CARD14: variants seen among roughly 807,000 people sequenced by gnomAD.
The protein encoded by CARD14 is caspase recruitment domain family member 14.
A neutral mutation model predicts 111.5 loss-of-function variants in CARD14; 107 were observed. That is an observed-to-expected ratio of 0.96 (90% CI 0.82 to 1.13). The LOEUF is 1.13. Among genes scored for constraint, CARD14 ranks in the 50% most tolerant of loss-of-function variants. The pLI is 0.00. For missense variants in CARD14, 1,322 were observed against 1,362.3 expected (o/e 0.97, Z 0.47); for synonymous variants, 617 against 579.6 (o/e 1.06, Z -0.93).
intron 4 of CARD14, among the ~76,000 whole-genome samples, chr17:80,180,893 G>C (rs2040150633): frequency 6.6e-6 from 1 of 152,126 alleles, no homozygotes; most frequent in African/African-American, 2.4e-5. Flanking sequence ...CTCCTAAGTA[G>C]CTGGGATTGC....
chr17:80,188,590 G>C lies in CARD14; in HGVS notation c.843+46G>C. 1 of 1,411,512 alleles carries C rather than the reference G, an allele frequency of 7.1e-7. No homozygotes were observed. The highest frequency in any genetic ancestry group is 9.3e-7 in the Non-Finnish European group (1 of 1,077,580). The allele number at this position is 1,411,512 out of a possible 1,614,324, so 87.4% of individuals were successfully genotyped here. ...CAGAGAGCGGCCTCCTGCCTTGGGG[G>C]CTTGGCCCTCAGGCTGTGGGGTTTC... On this transcript the variant is annotated intron_variant, in intron 8 of 23. Transcript: ENST00000648509. The surrounding 1 kb of genome is among the most constrained non-coding windows in gnomAD (Gnocchi z 4.5).
Position 80,191,610 on chromosome 17 carries a change from G to A in CARD14, c.1239+138G>A. On this transcript the variant is annotated intron_variant, in intron 11 of 23. Coordinates refer to ENST00000648509, the MANE Select transcript of CARD14 (RefSeq NM_001366385.1). ...CCAGGCTGGGCCACACGCGGCACCT[G>A]CAGAGACGGCCCAGTGTCACTGTGA... The A allele has an allele frequency of 2.9e-6, 3 of 1,029,704 alleles. No homozygotes were observed. In the Admixed American group the frequency reaches 7.4e-5, roughly 25 times the overall value. The allele number at this position is 1,029,704 out of a possible 1,614,324, so 63.8% of individuals were successfully genotyped here.
rs1339002762 is a variant in CARD14, at chr17:80,202,170, C to T, written c.1979-10C>T. 1.2e-6 allele frequency: 2 copies of T among 1,606,522 alleles called. No individual in the cohort carries two copies. The highest frequency in any genetic ancestry group is 1.7e-6 in the Non-Finnish European group (2 of 1,173,876). ...GTGGCTCATCTGTGGCTCATGTCCC[C>T]TTTTATCAGGTTATAAGAGGCTACT... On this transcript the variant is annotated splice_polypyrimidine_tract_variant and intron_variant, in intron 17 of 23. Coordinates refer to ENST00000648509, the MANE Select transcript of CARD14 (RefSeq NM_001366385.1).
At chr17:80,205,250 C>CCCTCCCTCCTCCCCTT (rs2041228497) in intron 21 of CARD14, 45 bp downstream of exon 21, 1 of 1,468,840 alleles carries the variant, frequency 6.8e-7, no homozygotes, top group Non-Finnish European at 9.4e-7. Flanking sequence ...CACCTTCCCT[C>CCCTCCCTCCTCCCCTT]CCTCCCTCCT....
chr17:80,170,755 T>A (rs2039875199), intron 1 of CARD14, among the ~76,000 whole-genome samples: 1 of 134,902 alleles, frequency 7.4e-6, no homozygotes, highest in African/African-American at 2.7e-5. Flanking sequence ...GAATTAGAGA[T>A]CTCTGGGCCC....
At chr17:80,171,009 T>A (rs189367491) in intron 1 of CARD14, among the ~76,000 whole-genome samples, 348 of 151,048 alleles carry the variant, frequency 2.3e-3, no homozygotes, top group Non-Finnish European at 3.9e-3. Flanking sequence ...CCTGGTTAAT[T>A]TTTTTATTTT....
In CARD14 at chr17:80,191,309, G is replaced by A. The variant is rs368798956; in HGVS notation, c.1090-14G>A. ...GTGATGGCGCGGCCTCCTTACTCCC[G>A]TCGTGGCCCACAGGCGTACTCCGCG... On this transcript the variant is annotated splice_polypyrimidine_tract_variant and intron_variant, in intron 10 of 23. Coordinates refer to ENST00000648509, the MANE Select transcript of CARD14 (RefSeq NM_001366385.1). The A allele has an allele frequency of 1.9e-5, 30 of 1,603,260 alleles. No homozygotes were observed. The highest frequency in any genetic ancestry group is 1.7e-4 in the Middle Eastern group (1 of 6,054).
At chr17:80,177,178 G>A (rs2040045288) in intron 2 of CARD14, among the ~76,000 whole-genome samples, 1 of 152,118 alleles carries the variant, frequency 6.6e-6, no homozygotes, top group Non-Finnish European at 1.5e-5. Context: ...TGCCAACATG[G>A]GGTGATCATG....
intron 2 of CARD14, among the ~76,000 whole-genome samples, chr17:80,177,787 T>C (rs1196718283): frequency 2.0e-5 from 3 of 152,106 alleles, no homozygotes; most frequent in Admixed American, 6.6e-5. Context: ...TCAAGCAATC[T>C]GCCCGCCTTG....
At chr17:80,199,020 C>G in intron 16 of CARD14, 1 of 679,294 alleles carries the variant, frequency 1.5e-6, no homozygotes, top group Non-Finnish European at 1.8e-6. Context: ...GCGATCACAG[C>G]TCACTGCAGC....
In CARD14 at chr17:80,181,419, G is replaced by C. The variant is rs577015337; in HGVS notation, c.-20G>C. ...CCACCCCCATGGCCACCCCTCCTAG[G>C]GTCCTCCCAGCGCCCAGCCATGGGG... On this transcript the variant is annotated splice_region_variant and 5_prime_UTR_variant, in exon 5 of 24. Coordinates refer to ENST00000648509, the MANE Select transcript of CARD14 (RefSeq NM_001366385.1). The C allele has an allele frequency of 4.6e-5, 71 of 1,554,048 alleles. No homozygotes were observed. Among genetic ancestry groups the C allele is most frequent in the Admixed American group, 7.8e-5 (4 of 51,326 alleles).
rs2040185335 is a variant in CARD14, at chr17:80,181,782, C to T, written c.211+133C>T. On this transcript the variant is annotated intron_variant, in intron 5 of 23. Transcript: ENST00000648509. ...AAACACTTGCTGTTGCCTTTAGGGC[C>T]CACCTGGATAACCAGGATGATCTGA... is the stretch of plus-strand genomic sequence containing the variant. 7 of 767,314 alleles carry T rather than the reference C, an allele frequency of 9.1e-6. No homozygotes were observed. In the South Asian group the frequency reaches 1.3e-4, roughly 14 times the overall value. The allele number at this position is 767,314 out of a possible 1,614,324, so 47.5% of individuals were successfully genotyped here. A position where few individuals can be genotyped will look rare whatever the true frequency, so the allele number is the denominator to read the frequency against.
chr17:80,193,478 C>G (rs1324101640), intron 12 of CARD14, among the ~76,000 whole-genome samples: 1 of 152,246 alleles, frequency 6.6e-6, no homozygotes, highest in African/African-American at 2.4e-5. Flanking sequence ...TGGCATCTGT[C>G]CTCACCCTTT....
chr17:80,204,472 C>T (rs2041166662), intron 20 of CARD14, 131 bp downstream of exon 20: 1 of 881,598 alleles, frequency 1.1e-6, no homozygotes, highest in Admixed American at 3.0e-5. Context: ...CTTCAAGAAT[C>T]ATGGGGCTGG....
rs1411132233 is a variant in CARD14 at position 80,189,914 on chromosome 17, T to G, written c.963+42T>G. On this transcript the variant is annotated intron_variant, in intron 9 of 23. Coordinates refer to ENST00000648509, the MANE Select transcript of CARD14 (RefSeq NM_001366385.1). This position sits in a 1 kb window ranked among gnomAD's most constrained non-coding sequence, Gnocchi z 4.7. ...TCCTCCCTTGTGACTCTCCTGGGGC[T>G]TGTCTCAGGGGTGCGGACAGGTCTG... 2.5e-6 allele frequency: 4 copies of G among 1,573,770 alleles called. No homozygotes were observed. In the African/African-American group the frequency reaches 5.6e-5, roughly 22 times the overall value.
chr17:80,187,735 T>C, intron 7 of CARD14: 1 of 985,184 alleles, frequency 1.0e-6, no homozygotes. Flanking sequence ...TCCCCAGGGC[T>C]GCCACACCCA....
intron 7 of CARD14, among the ~76,000 whole-genome samples, chr17:80,186,253 C>T (rs902846793): frequency 1.6e-4 from 24 of 152,178 alleles, no homozygotes; most frequent in African/African-American, 2.4e-5. Flanking sequence ...CTGCTGCCCA[C>T]GGCCTCTGCC....
rs1321069599 is a variant in CARD14, at chr17:80,189,923, G to A, written c.963+51G>A. ...GTGACTCTCCTGGGGCTTGTCTCAG[G>A]GGTGCGGACAGGTCTGTGGGGAAGC... On this transcript the variant is annotated intron_variant, in intron 9 of 23. Coordinates refer to ENST00000648509, the MANE Select transcript of CARD14 (RefSeq NM_001366385.1). This position sits in a 1 kb window ranked among gnomAD's most constrained non-coding sequence, Gnocchi z 4.7. The A allele has an allele frequency of 2.6e-6, 4 of 1,560,010 alleles. No homozygotes were observed. The highest frequency in any genetic ancestry group is 3.4e-6 in the Non-Finnish European group (4 of 1,162,784).
chr17:80,193,543 G>A, intron 12 of CARD14, among the ~76,000 whole-genome samples: 1 of 152,244 alleles, frequency 6.6e-6, no homozygotes, highest in Non-Finnish European at 1.5e-5. Flanking sequence ...AGGATGCTGG[G>A]GGTCAAAGCC....
Sources: allele counts gnomAD v4.1 joint callset (sites outside exome capture counted in the v4.1 genomes callset), GRCh38; gene constraint gnomAD v4.1.1; non-coding constraint Gnocchi (gnomAD v3.1); transcripts MANE v1.5; gene names NCBI Gene and HGNC (gene_info 2026-07-23, HGNC 2026-07-21).